RAET1G: variants seen among roughly 807,000 people sequenced by gnomAD.
RAET1G encodes the protein retinoic acid early transcript 1G, also known as UL-16 binding protein 5.
A neutral mutation model predicts 29.5 loss-of-function variants in RAET1G; 25 were observed. That is an observed-to-expected ratio of 0.85 (90% confidence interval 0.62 to 1.18). The LOEUF is 1.18. Among genes scored for constraint, RAET1G ranks in the 50% most tolerant of loss-of-function variants. The pLI is 0.00. For missense variants in RAET1G, 434 were observed against 423.6 expected (o/e 1.02, Z -0.22); for synonymous variants, 167 against 159.5 (o/e 1.05, Z -0.36).
At chr6:149,918,090 G>T (rs1303590986) in intron 4 of RAET1G, 84 bp downstream of exon 4, 13 of 1,202,174 alleles carry the variant, frequency 1.1e-5, no homozygotes, top group Non-Finnish European at 1.3e-5. Flanking sequence ...CAGCCATAGG[G>T]AGTGGGACTC....
At chr6:149,921,006 G>A (rs945591418) in intron 1 of RAET1G, among the ~76,000 whole-genome samples, 7 of 152,242 alleles carry the variant, frequency 4.6e-5, no homozygotes, top group African/African-American at 1.7e-4. Context: ...CCAGTTTCCA[G>A]TGAGGAAGGA....
chr6:149,920,846 G>T (rs961924286), intron 1 of RAET1G, among the ~76,000 whole-genome samples: 1 of 152,198 alleles, frequency 6.6e-6, no homozygotes, highest in African/African-American at 2.4e-5. Context: ...AATAGTGCTG[G>T]ATTTAAATAA....
intron 1 of RAET1G, among the ~76,000 whole-genome samples, chr6:149,922,011 C>T (rs1444347421): frequency 1.3e-5 from 2 of 152,188 alleles, no homozygotes; most frequent in African/African-American, 2.4e-5. Flanking sequence ...CACAGGGCAT[C>T]CTTCCTCCCT....
At position 149,916,897 on chromosome 6, in the gene RAET1G, G is replaced by A; in HGVS notation, c.*15C>T. Reference sequence around the variant, plus strand: ...CAAAGAGACGGAAGAAAAGACAGCTGGGCCCAGGGAACCATCAAGATATGG... The same window carrying A: ...CAAAGAGACGGAAGAAAAGACAGCTAGGCCCAGGGAACCATCAAGATATGG... On this transcript the variant is annotated 3_prime_UTR_variant, in exon 5 of 5. Coordinates refer to ENST00000367360, the MANE Select transcript of RAET1G (RefSeq NM_001001788.4). 3.4e-6 allele frequency: 5 copies of A among 1,490,930 alleles called. No homozygotes were observed. The highest frequency in any genetic ancestry group is 8.9e-7 in the Non-Finnish European group (1 of 1,117,428). The allele number at this position is 1,490,930 out of a possible 1,614,324, so 92.4% of individuals were successfully genotyped here. A position where few individuals can be genotyped will look rare whatever the true frequency, so the allele number is the denominator to read the frequency against.
chr6:149,918,923 G>A lies in RAET1G; in HGVS notation c.631+120C>T. On this transcript the variant is annotated intron_variant, in intron 3 of 4. Coordinates refer to ENST00000367360, the MANE Select transcript of RAET1G (RefSeq NM_001001788.4). ...CACCCCCAGGAGGAGCACCCCACGA[G>A]GAGGTCATTTTAACATAAACGTGTA... 4 of 1,517,472 alleles carry A rather than the reference G, an allele frequency of 2.6e-6. No homozygotes were observed. The South Asian group carries it at 5.2e-5, about 20-fold the overall frequency. The allele number at this position is 1,517,472 out of a possible 1,614,324, so 94.0% of individuals were successfully genotyped here.
At position 149,922,100 on chromosome 6, in the gene RAET1G, CA is replaced by C. The variant is rs567071771; in HGVS notation, c.85+825del. Among the ~76,000 whole-genome samples, 569 of 152,160 alleles carry C rather than the reference CA, an allele frequency of 3.7e-3. 4 individuals are homozygous for C. The highest frequency in any genetic ancestry group is 0.013 in the African/African-American group (538 of 41,412). On this transcript the variant is annotated intron_variant, in intron 1 of 4. Coordinates refer to ENST00000367360, the MANE Select transcript of RAET1G (RefSeq NM_001001788.4). ...CTGGCGCCCCAGTAGGAAGAACAGG[CA>C]GGTCTGGGCCCCAAGGGCAGAAGTG...
In RAET1G at chr6:149,918,347, C is replaced by A. The variant is rs562002001; in HGVS notation, c.669G>T (p.Arg223Ser). The A allele has an allele frequency of 6.2e-7, 1 of 1,613,954 alleles. No individual in the cohort carries two copies. The highest frequency in any genetic ancestry group is 1.1e-5 in the South Asian group (1 of 91,060). The change falls in exon 4 of 5, where the codon AGG (arginine) becomes AGT (serine). Residue 223 changes from arginine to serine, a missense_variant. Physicochemically the swap from Arg to Ser is moderately radical, Grantham distance 110. Transcript: ENST00000367360. ...PTMSSGTAQP[R>S]ATATTLILCC... is the part of the protein sequence containing the mutation. ...AAAGGATGAGGGTGGTGGCCGTGGC[C>A]CTGGGTTGGGCTGTGCCTGAGGACA...
chr6:149,921,297 A>G (rs1325603295), intron 1 of RAET1G, among the ~76,000 whole-genome samples: 5 of 152,230 alleles, frequency 3.3e-5, no homozygotes, highest in Admixed American at 3.3e-4. Context: ...GAGAATCACA[A>G]CATAGATTCC....
rs373872065 is a variant in RAET1G, at chr6:149,919,685, G to A, written c.217C>T (p.Pro73Ser). Residue 73 changes from proline to serine, a missense_variant, in exon 2 of 5, where the codon CCC (proline) becomes TCC (serine). Transcript: ENST00000367360. The stretch of plus-strand genomic sequence containing the variant: ...AGTTTCTTCCCCAGGGGACTGACGG[G>A]TGTGACTGTCTTGCTGCCACAGTCA... ...HYDCGSKTVTPVSPLGKKLNV... is the reference protein window; with the variant it reads ...HYDCGSKTVTSVSPLGKKLNV... 1 of 1,613,980 alleles carries A rather than the reference G, an allele frequency of 6.2e-7. No individual in the cohort carries two copies. The highest frequency in any genetic ancestry group is 8.5e-7 in the Non-Finnish European group (1 of 1,179,886).
intron 4 of RAET1G, 144 bp from the exon 5 acceptor site, chr6:149,917,218 G>GT (rs1778464613): frequency 8.1e-7 from 1 of 1,235,926 alleles, no homozygotes; most frequent in Non-Finnish European, 1.0e-6. Flanking sequence ...GACCAGGAGC[G>GT]TGACCCTGAA....
intron 1 of RAET1G, among the ~76,000 whole-genome samples, chr6:149,920,607 G>A (rs190733177): frequency 6.6e-6 from 1 of 152,154 alleles, no homozygotes; most frequent in Non-Finnish European, 1.5e-5. Flanking sequence ...CAGGGTTGGG[G>A]GTAGGAGATG....
chr6:149,919,758 C>T lies in RAET1G; in HGVS notation c.144G>A (p.Arg48=). The T allele has an allele frequency of 6.2e-7, 1 of 1,612,658 alleles. No individual in the cohort carries two copies. The highest frequency in any genetic ancestry group is 8.5e-7 in the Non-Finnish European group (1 of 1,179,868). ...CCACCTGGCCTTGAACCGCACACCA[C>T]CGTGGTCCAGGTCTGAACTTAGGGA... The part of the protein sequence containing the change: ...TVIPKFRPGP[R]WCAVQGQVDE... Residue 48 remains arginine, a synonymous_variant, in exon 2 of 5, where the codon CGG becomes CGA. Coordinates refer to ENST00000367360, the MANE Select transcript of RAET1G (RefSeq NM_001001788.4).
intron 2 of RAET1G, 44 bp from the exon 3 acceptor site, chr6:149,919,368 T>C: frequency 6.3e-7 from 1 of 1,599,412 alleles, no homozygotes; most frequent in Non-Finnish European, 8.5e-7. Context: ...TGACAGATAT[T>C]GAGCCCCCAT....
chr6:149,921,342 C>T (rs764166734), intron 1 of RAET1G, among the ~76,000 whole-genome samples: 1 of 152,244 alleles, frequency 6.6e-6, no homozygotes, highest in Non-Finnish European at 1.5e-5. Context: ...ACGCCACTCA[C>T]AGCAAGGAAA....
chr6:149,922,480 G>C (rs1365500686), intron 1 of RAET1G, among the ~76,000 whole-genome samples: 1 of 152,144 alleles, frequency 6.6e-6, no homozygotes, highest in South Asian at 2.1e-4. Context: ...GTGCTGGAAG[G>C]TTTGTGTGGT....
Position 149,919,687 on chromosome 6 carries a change from G to C in RAET1G, c.215C>G (p.Thr72Arg). The change falls in exon 2 of 5, where the codon ACA becomes AGA. Residue 72 changes from threonine to arginine, a missense_variant. Coordinates refer to ENST00000367360, the MANE Select transcript of RAET1G (RefSeq NM_001001788.4). ...TTTCTTCCCCAGGGGACTGACGGGTGTGACTGTCTTGCTGCCACAGTCATA... is the reference window on the plus strand; with the variant it reads ...TTTCTTCCCCAGGGGACTGACGGGTCTGACTGTCTTGCTGCCACAGTCATA... The part of the protein sequence containing the change: ...LHYDCGSKTV[T>R]PVSPLGKKLN... 6.2e-7 allele frequency: 1 copy of C among 1,614,022 alleles called. No individual in the cohort carries two copies. Among genetic ancestry groups the C allele is most frequent in the Non-Finnish European group, 8.5e-7 (1 of 1,179,886 alleles).
At position 149,918,280 on chromosome 6, in the gene RAET1G, T is replaced by A; in HGVS notation, c.736A>T (p.Ser246Cys). Residue 246 changes from serine to cysteine, a missense_variant, in exon 4 of 5, where the codon AGT becomes TGT. Ser to Cys is a moderately radical substitution (Grantham distance 112, BLOSUM62 -1). Coordinates refer to ENST00000367360, the MANE Select transcript of RAET1G (RefSeq NM_001001788.4). ...TGGTGGCCATGGCTTTGGGTCAGAC[T>A]GTGCCTGGAGCATATGAGGAGACAC... ...IMCLLICSRH[S>C]LTQSHGHHPQ... The A allele has an allele frequency of 6.2e-7, 1 of 1,614,098 alleles. No homozygotes were observed. Among genetic ancestry groups the A allele is most frequent in the South Asian group, 1.1e-5 (1 of 91,076 alleles).
chr6:149,917,137 A>G, intron 4 of RAET1G, 63 bp from the exon 5 acceptor site: 2 of 1,461,526 alleles, frequency 1.4e-6, no homozygotes. Flanking sequence ...CTCGGACTTC[A>G]ATACTTTCAC....
rs75724670 is a variant in RAET1G at position 149,920,934 on chromosome 6, T to C, written c.86-1118A>G. On this transcript the variant is annotated intron_variant, in intron 1 of 4. Transcript: ENST00000367360. ...GCCAGTCCTTCAAGAACAAGGCTGC[T>C]TTGCCTAATTTGCAGAATAAAGCCA... Among the ~76,000 whole-genome samples, 957 of 152,344 alleles carry C rather than the reference T, an allele frequency of 6.3e-3. 18 individuals are homozygous for C. Among genetic ancestry groups the C allele is most frequent in the African/African-American group, 0.022 (912 of 41,570 alleles).
Sources: gnomAD v4.1 joint callset for allele counts (sites outside exome capture counted in the v4.1 genomes callset) on GRCh38, gnomAD v4.1.1 for gene constraint, MANE v1.5 for transcripts, NCBI Gene and HGNC (gene_info 2026-07-23, HGNC 2026-07-21) for gene names.